Variants in CAST observed in about 807,000 individuals in gnomAD.
CAST encodes the protein MIR583 host.
A neutral mutation model predicts 119.6 loss-of-function variants in CAST; 76 were observed. The ratio of observed to expected loss-of-function variants is 0.64; its 90% confidence interval spans 0.53 to 0.77. CAST has a LOEUF of 0.77. CAST is among the 30% of genes least tolerant of loss of function. The pLI, the probability that CAST is intolerant of heterozygous loss-of-function variation, is 0.00. For missense variants in CAST, 953 were observed against 946.5 expected (o/e 1.01, Z -0.09); for synonymous variants, 319 against 331.6 (o/e 0.96, Z 0.41).
the CAST span, among the ~76,000 whole-genome samples, chr5:95,982,958 A>G: frequency 4.6e-5 from 7 of 152,350 alleles, no homozygotes; most frequent in Non-Finnish European, 7.4e-5. Flanking sequence ...AAATATGTTC[A>G]GTTCTATACC....
the CAST span, among the ~76,000 whole-genome samples, chr5:96,163,176 C>CAGTT: frequency 6.6e-6 from 1 of 152,158 alleles, no homozygotes; most frequent in African/African-American, 2.4e-5. Context: ...TGTTGGCATT[C>CAGTT]AGTTGTACAT....
the CAST span, among the ~76,000 whole-genome samples, chr5:96,389,271 GA>G: frequency 1.1e-4 from 17 of 152,108 alleles, no homozygotes; most frequent in African/African-American, 4.1e-4. Flanking sequence ...TACCACAAAA[GA>G]AAAAAGGTAA....
the CAST span, chr5:96,410,935 GC>G: frequency 6.2e-7 from 1 of 1,613,864 alleles, no homozygotes; most frequent in Non-Finnish European, 8.5e-7. Context: ...TCTCCCTGAC[GC>G]CCCCCGTTTC....
the CAST span, among the ~76,000 whole-genome samples, chr5:96,273,112 A>C: frequency 6.6e-6 from 1 of 152,226 alleles, no homozygotes; most frequent in Non-Finnish European, 1.5e-5. Context: ...CCTAGAGAAG[A>C]ACTTGTCTTG....
the CAST span, among the ~76,000 whole-genome samples, chr5:96,169,230 G>T: frequency 2.6e-5 from 4 of 152,160 alleles, no homozygotes; most frequent in Admixed American, 2.6e-4. Flanking sequence ...GCTTGACTGA[G>T]ATAATGGGGG....
At chr5:96,724,637 C>G (rs1193563012) in intron 4 of CAST, among the ~76,000 whole-genome samples, 1 of 151,740 alleles carries the variant, frequency 6.6e-6, no homozygotes, top group Non-Finnish European at 1.5e-5. Flanking sequence ...TTGGGACCAG[C>G]CTGGGCAACA....
At chr5:96,393,644 G>T in the CAST span, among the ~76,000 whole-genome samples, 1 of 152,166 alleles carries the variant, frequency 6.6e-6, no homozygotes, top group African/African-American at 2.4e-5. Context: ...TGGTTTTGAA[G>T]ACTAGATGAG....
intron 1 of CAST, among the ~76,000 whole-genome samples, chr5:96,553,447 C>A (rs747466136): frequency 1.3e-5 from 2 of 152,150 alleles, no homozygotes; most frequent in Non-Finnish European, 2.9e-5. Context: ...AACCCACAAC[C>A]AGTATCATAC....
At chr5:96,538,515 C>G (rs759328503) in intron 1 of CAST, among the ~76,000 whole-genome samples, 1 of 152,042 alleles carries the variant, frequency 6.6e-6, no homozygotes, top group Non-Finnish European at 1.5e-5. Flanking sequence ...TGACCAATTA[C>G]CTAAAAGCAT....
At chr5:96,187,214 G>T in the CAST span, among the ~76,000 whole-genome samples, 13 of 151,716 alleles carry the variant, frequency 8.6e-5, no homozygotes, top group Admixed American at 2.6e-4. Flanking sequence ...ATCATTTTTG[G>T]TTGTGTTTAT....
chr5:96,321,150 G>A, the CAST span, among the ~76,000 whole-genome samples: 6 of 152,126 alleles, frequency 3.9e-5, no homozygotes, highest in Non-Finnish European at 7.3e-5. Context: ...GCTCCACCTC[G>A]GCCCTAGTGA....
chr5:96,318,629 A>C, the CAST span: 1 of 152,196 alleles, frequency 6.6e-6, no homozygotes, highest in Non-Finnish European at 1.5e-5. Flanking sequence ...ACCCAAGGCC[A>C]CATGGTGAGA....
chr5:96,170,561 T>G, the CAST span, among the ~76,000 whole-genome samples: 1 of 152,190 alleles, frequency 6.6e-6, no homozygotes, highest in African/African-American at 2.4e-5. Flanking sequence ...TGGAATTTAA[T>G]TTTTGGAGCT....
chr5:96,412,840 C>A, the CAST span: 3 of 533,846 alleles, frequency 5.6e-6, no homozygotes, highest in South Asian at 4.7e-5. Flanking sequence ...GGAGCAGCAT[C>A]CTTGGATGAG....
At chr5:96,709,990 G>T (rs1461610828) in intron 3 of CAST, among the ~76,000 whole-genome samples, 5 of 152,106 alleles carry the variant, frequency 3.3e-5, no homozygotes, top group African/African-American at 7.2e-5. Flanking sequence ...AAGGACGCGG[G>T]CTATAGAGAA....
At chr5:96,702,737 G>A (rs1754083279) in intron 3 of CAST, 2 of 983,430 alleles carry the variant, frequency 2.0e-6, no homozygotes. Flanking sequence ...CCCGGGGCGG[G>A]GCCGCCGGGC....
chr5:96,392,998 A>G, the CAST span: 1 of 1,614,096 alleles, frequency 6.2e-7, no homozygotes, highest in Non-Finnish European at 8.5e-7. Flanking sequence ...CCACACACTT[A>G]TTTTAATTTT....
the CAST span, among the ~76,000 whole-genome samples, chr5:96,342,443 T>C: frequency 6.6e-6 from 1 of 152,090 alleles, no homozygotes. Flanking sequence ...GAATTTACAT[T>C]TTGAACAAGT....
At chr5:96,024,268 G>A in the CAST span, among the ~76,000 whole-genome samples, 2 of 152,030 alleles carry the variant, frequency 1.3e-5, no homozygotes, top group South Asian at 2.1e-4. Flanking sequence ...ATTTACCTAT[G>A]GCTAAAAAAA....
Sources: allele counts gnomAD v4.1 joint callset (sites outside exome capture counted in the v4.1 genomes callset), GRCh38; gene constraint gnomAD v4.1.1; transcripts MANE v1.5; gene names NCBI Gene and HGNC (gene_info 2026-07-23, HGNC 2026-07-21).